Variants in DNHD1 observed in about 807,000 individuals in gnomAD.
DNHD1 encodes the protein dynein heavy chain domain-containing protein 1.
DNHD1 carries 383 observed loss-of-function variants against 458.1 expected under a neutral mutation model. The ratio of observed to expected loss-of-function variants is 0.84; its 90% CI spans 0.77 to 0.91. The LOEUF (loss-of-function observed/expected upper bound fraction) is 0.91, where lower values mean the gene tolerates loss of function less well. DNHD1 is among the 40% of genes least tolerant of loss of function. The pLI, the probability that DNHD1 is intolerant of heterozygous loss-of-function variation, is 0.00. For synonymous variants in DNHD1, 2,203 were observed against 2,376.9 expected, an observed-to-expected ratio of 0.93 and a Z score of 2.13; for missense variants, 5,336 against 5,866.1, an observed-to-expected ratio of 0.91 and a Z score of 2.95.
Position 6,570,379 on chromosome 11 carries a change from C to A in DNHD1, c.13088C>A (p.Thr4363Lys), listed in dbSNP as rs369868302. Residue 4363 changes from threonine to lysine, a missense_variant, in exon 41 of 43, where the codon ACG (threonine) becomes AAG (lysine). Thr to Lys is a moderately conservative substitution (Grantham distance 78, BLOSUM62 -1). Transcript: ENST00000254579. ...QPHTPQSLLA[T>K]LMPLPELREL... Reference sequence around the variant, plus strand: ...CACACACCTCAGTCTTTGCTGGCCACGCTCATGCCCCTCCCAGGTAAGCCT... The same window carrying A: ...CACACACCTCAGTCTTTGCTGGCCAAGCTCATGCCCCTCCCAGGTAAGCCT... 48 of 1,609,394 alleles carry A rather than the reference C, an allele frequency of 3.0e-5. No homozygotes were observed. In the South Asian group the frequency reaches 4.5e-4, roughly 15 times the overall value.
intron 7 of DNHD1, among the ~76,000 whole-genome samples, chr11:6,514,281 T>G (rs973203307): frequency 6.6e-6 from 1 of 152,018 alleles, no homozygotes; most frequent in Non-Finnish European, 1.5e-5. Flanking sequence ...TTTTTATATT[T>G]TTAGTGGAGA....
chr11:6,558,677 T>A lies in DNHD1; in HGVS notation c.9195T>A (p.Ser3065Arg). The change falls in exon 26 of 43, where the codon AGT (serine) becomes AGA (arginine). Residue 3065 changes from serine to arginine, a missense_variant. Transcript: ENST00000254579. Reference protein sequence around the residue: ...VAQHHLEGAQSVPLDDGSWKY... With the variant: ...VAQHHLEGAQRVPLDDGSWKY... ...AGCATCACCTGGAGGGTGCTCAGAG[T>A]GTGCCCCTTGATGACGGTAAGCCCT... 1 of 1,550,450 alleles carries A rather than the reference T, an allele frequency of 6.4e-7. No homozygotes were observed. Among genetic ancestry groups the A allele is most frequent in the East Asian group, 2.4e-5 (1 of 40,922 alleles).
At chr11:6,562,612 G>T (rs927959232) in intron 28 of DNHD1, among the ~76,000 whole-genome samples, 7 of 152,170 alleles carry the variant, frequency 4.6e-5, no homozygotes, top group African/African-American at 1.7e-4. Context: ...AGCCCAAGGA[G>T]AACACAGTAT....
chr11:6,546,222 C>T lies in DNHD1; in HGVS notation c.5283C>T (p.His1761=), dbSNP rs1372533905. Residue 1761 remains histidine (H), a synonymous_variant, in exon 21 of 43, where the codon CAC becomes CAT. Transcript: ENST00000254579. ...GCCAGCGCCTGGGTGAACTGCACCA[C>T]TTGTATGCCCCACTGTACCAGGAGG... ...ALGQRLGELH[H]LYAPLYQEAS... is the part of the protein sequence containing the mutation. 2.6e-6 allele frequency: 4 copies of T among 1,551,786 alleles called. No individual in the cohort carries two copies. Among genetic ancestry groups the T allele is most frequent in the South Asian group, 2.4e-5 (2 of 83,992 alleles).
At chr11:6,533,636 AC>A in intron 13 of DNHD1, 44 bp from the exon 14 acceptor site, 2 of 1,512,160 alleles carry the variant, frequency 1.3e-6, no homozygotes, top group Non-Finnish European at 1.8e-6. Context: ...CCAAAGAGGT[AC>A]ATGGGGTTGT....
At chr11:6,518,411 C>G (rs1360254393) in intron 7 of DNHD1, among the ~76,000 whole-genome samples, 1 of 152,152 alleles carries the variant, frequency 6.6e-6, no homozygotes, top group African/African-American at 2.4e-5. Context: ...AGTATTGGTG[C>G]TTTAAAAATG....
rs755072169 is a variant in DNHD1 at position 6,565,978 on chromosome 11, G to A, written c.11040G>A (p.Glu3680=). ...ADPELGSQLQ[E]AAACGLPVLL... ...CAGAGCTGGGTTCTCAGCTCCAGGA[G>A]GCAGCTGCTTGTGGTGAGAGCTGGT... is the stretch of plus-strand genomic sequence containing the variant. Residue 3680 remains glutamate (E), a synonymous_variant, in exon 33 of 43, where the codon GAG becomes GAA. Transcript: ENST00000254579. The A allele has an allele frequency of 5.8e-6, 9 of 1,551,528 alleles. No homozygotes were observed. The highest frequency in any genetic ancestry group is 2.7e-5 in the African/African-American group (2 of 73,034).
At chr11:6,522,159 G>A (rs371639207) in intron 10 of DNHD1, among the ~76,000 whole-genome samples, 6 of 151,500 alleles carry the variant, frequency 4.0e-5, no homozygotes, top group Non-Finnish European at 8.8e-5. Context: ...GTGTCTGTTC[G>A]TGTCCTTTGC....
chr11:6,546,923 G>A lies in DNHD1; in HGVS notation c.5984G>A (p.Gly1995Asp), dbSNP rs755324308. The change falls in exon 21 of 43, where the codon GGC becomes GAC. Residue 1995 changes from glycine (G) to aspartate (D), a missense_variant. By Grantham distance (94) the Gly-to-Asp change is moderately conservative (BLOSUM62 -1). Coordinates refer to ENST00000254579, the MANE Select transcript of DNHD1 (RefSeq NM_144666.3). Reference protein sequence around the residue: ...ASGILLLGPAGSGKTTCWHSL... With the variant: ...ASGILLLGPADSGKTTCWHSL... ...GGCATTCTGCTCCTGGGCCCTGCGGGCAGCGGCAAGACCACTTGTTGGCAC... is the reference window on the plus strand; with the variant it reads ...GGCATTCTGCTCCTGGGCCCTGCGGACAGCGGCAAGACCACTTGTTGGCAC... 5.2e-6 allele frequency: 8 copies of A among 1,551,448 alleles called. No individual in the cohort carries two copies. Among genetic ancestry groups the A allele is most frequent in the Non-Finnish European group, 7.0e-6 (8 of 1,146,914 alleles).
intron 4 of DNHD1, among the ~76,000 whole-genome samples, chr11:6,506,778 GT>G (rs1279152137): frequency 6.6e-6 from 1 of 151,926 alleles, no homozygotes; most frequent in Non-Finnish European, 1.5e-5. Context: ...CCTTCCTGTT[GT>G]TAATTACGTT....
intron 4 of DNHD1, 127 bp downstream of exon 4, chr11:6,503,053 C>T: frequency 2.9e-6 from 3 of 1,018,616 alleles, no homozygotes; most frequent in Non-Finnish European, 4.2e-6. Context: ...CCTCCTCTGA[C>T]TCTAGTGTCC....
At position 6,515,391 on chromosome 11, in the gene DNHD1, G is replaced by T. The variant is rs1852440185; in HGVS notation, c.1392+3962G>T. 2.6e-5 allele frequency among the ~76,000 whole-genome samples: 4 copies of T among 151,986 alleles called. No homozygotes were observed. The South Asian group carries it at 8.3e-4, about 32-fold the overall frequency. On this transcript the variant is annotated intron_variant, in intron 7 of 42. Transcript: ENST00000254579. ...ATTACTATATTTTTTCGTTCTTCAG[G>T]ATCCAAACCAGAATTATGTATTGAA...
chr11:6,550,848 T>C (rs1853325642), intron 24 of DNHD1, among the ~76,000 whole-genome samples: 1 of 151,916 alleles, frequency 6.6e-6, no homozygotes, highest in South Asian at 2.1e-4. Context: ...ACACCTAAAA[T>C]AGACATTTAA....
At position 6,563,019 on chromosome 11, in the gene DNHD1, A is replaced by G. The variant is rs1174337879; in HGVS notation, c.9557A>G (p.Lys3186Arg). The G allele has an allele frequency of 6.4e-7, 1 of 1,551,724 alleles. No homozygotes were observed. The highest frequency in any genetic ancestry group is 8.7e-7 in the Non-Finnish European group (1 of 1,146,990). ...SMFQQQLEQS[K>R]LLYKQQLEEC... is the part of the protein sequence containing the mutation. ...TTTCAGCAGCAGCTAGAGCAAAGCA[A>G]GCTCCTATACAAGCAGCAGCTGGAA... Residue 3186 changes from lysine to arginine, a missense_variant, in exon 29 of 43, where the codon AAG (lysine) becomes AGG (arginine). Physicochemically the swap from Lys to Arg is conservative, Grantham distance 26. This residue lies in a region of DNHD1 where 3,932 missense variants were observed against 4,365.6 expected (regional missense o/e 0.90). Coordinates refer to ENST00000254579, the MANE Select transcript of DNHD1 (RefSeq NM_144666.3).
intron 33 of DNHD1, 105 bp downstream of exon 33, chr11:6,566,096 C>A: frequency 5.6e-6 from 8 of 1,435,118 alleles, no homozygotes; most frequent in Non-Finnish European, 7.5e-6. Context: ...CATCCTTCAT[C>A]CCAGGCACTA....
rs4282961 is a variant in DNHD1, at chr11:6,533,711, C to A, written c.2536C>A (p.Leu846Met). Residue 846 changes from leucine to methionine, a missense_variant, in exon 14 of 43, where the codon CTG becomes ATG. Leu to Met is a conservative substitution (Grantham distance 15, BLOSUM62 2). Around this residue, in one of 4 missense-constraint regions of DNHD1, gnomAD observed 3,932 missense variants for 4,365.6 expected, o/e 0.90. Coordinates refer to ENST00000254579, the MANE Select transcript of DNHD1 (RefSeq NM_144666.3). ...LNEANEQYVE[L>M]EERMEYVRAL... Reference sequence around the variant, plus strand: ...TGAAGCCAATGAACAGTACGTCGAGCTGGAGGAGCGAATGGAATACGTACG... The same window carrying A: ...TGAAGCCAATGAACAGTACGTCGAGATGGAGGAGCGAATGGAATACGTACG... 467,093 of 1,550,644 alleles carry A rather than the reference C, an allele frequency of 0.3. 72,984 individuals are homozygous for A. Among genetic ancestry groups the A allele is most frequent in the Admixed American group, 0.33 (16,805 of 50,912 alleles).
intron 6 of DNHD1, among the ~76,000 whole-genome samples, 164 bp from the exon 7 acceptor site, chr11:6,511,109 C>G (rs1004117973): frequency 1.3e-5 from 2 of 152,196 alleles, no homozygotes; most frequent in South Asian, 4.1e-4. Flanking sequence ...TATACTCTTT[C>G]AGAGAACTCT....
At chr11:6,527,558 T>C (rs1852736113) in intron 10 of DNHD1, among the ~76,000 whole-genome samples, 1 of 152,180 alleles carries the variant, frequency 6.6e-6, no homozygotes, top group Admixed American at 6.5e-5. Flanking sequence ...TCTGTTAAAT[T>C]TGAGGTGCAT....
At chr11:6,512,275 C>T (rs1852355453) in intron 7 of DNHD1, among the ~76,000 whole-genome samples, 1 of 124,972 alleles carries the variant, frequency 8.0e-6, no homozygotes, top group East Asian at 2.4e-4. Flanking sequence ...GGCTGGAGTG[C>T]AGTGGCGGGA....
Sources: allele counts gnomAD v4.1 joint callset (sites outside exome capture counted in the v4.1 genomes callset), GRCh38; gene constraint gnomAD v4.1.1; regional missense constraint gnomAD v4.1.1; transcripts MANE v1.5; gene names NCBI Gene and HGNC (gene_info 2026-07-23, HGNC 2026-07-21).